NRG4: variants seen among roughly 807,000 people sequenced by gnomAD.
NRG4 encodes pro-neuregulin-4, membrane-bound isoform.
In NRG4, 10 loss-of-function variants were observed where a neutral mutation model predicts 15.0. The observed-to-expected ratio is 0.67, with a 90% CI of 0.41 to 1.13. The LOEUF (loss-of-function observed/expected upper bound fraction) is 1.13, where lower values mean the gene tolerates loss of function less well. NRG4 is among the 50% of genes most tolerant of loss of function. The pLI is 0.00. For synonymous variants in NRG4, 41 were observed against 50.1 expected (o/e 0.82, Z 0.77); for missense variants, 139 against 140.2 (o/e 0.99, Z 0.04).
intron 4 of NRG4, among the ~76,000 whole-genome samples, chr15:76,050,973 T>TATTTA (rs1555441913): frequency 2.5e-4 from 37 of 147,686 alleles, no homozygotes; most frequent in Non-Finnish European, 4.2e-4. Flanking sequence ...GCCTGCCTAT[T>TATTTA]TTTATTTATT....
At chr15:75,958,162 G>A (rs559760391) in intron 4 of NRG4, among the ~76,000 whole-genome samples, 15 of 152,072 alleles carry the variant, frequency 9.9e-5, no homozygotes, top group Admixed American at 5.2e-4. Context: ...ACAGGCACCC[G>A]CCACCATGCC....
chr15:75,991,837 ATC>A (rs2034029471), intron 3 of NRG4, among the ~76,000 whole-genome samples: 1 of 151,994 alleles, frequency 6.6e-6, no homozygotes, highest in Non-Finnish European at 1.5e-5. Context: ...TCAATACACA[ATC>A]TGTCTTTAGT....
intron 3 of NRG4, among the ~76,000 whole-genome samples, chr15:75,989,477 A>T (rs2033926197): frequency 6.6e-6 from 1 of 151,972 alleles, no homozygotes; most frequent in Non-Finnish European, 1.5e-5. Context: ...TAACACATAC[A>T]TGTTAGACCT....
chr15:76,041,173 A>C, intron 4 of NRG4, among the ~76,000 whole-genome samples: 1 of 152,168 alleles, frequency 6.6e-6, no homozygotes, highest in Admixed American at 6.5e-5. Flanking sequence ...GATACACAAA[A>C]AATAAAAAGA....
At chr15:76,013,431 G>A (rs565178140), upstream of NRG4, among the ~76,000 whole-genome samples, 380 of 152,298 alleles carry the variant, frequency 2.5e-3, 3 homozygotes, top group African/African-American at 8.8e-3. Context: ...CAAGTGCCAT[G>A]CTGGTTTCCT....
At chr15:75,993,290 GT>G (rs777701556) in intron 3 of NRG4, among the ~76,000 whole-genome samples, 5,868 of 110,270 alleles carry the variant, frequency 0.053, 203 homozygotes, top group African/African-American at 0.12. Context: ...TTTAAATATT[GT>G]TTTTTTTTTT....
chr15:75,961,284 T>C (rs2141813895), intron 4 of NRG4, among the ~76,000 whole-genome samples: 1 of 152,312 alleles, frequency 6.6e-6, no homozygotes, highest in African/African-American at 2.4e-5. Context: ...AGTAGTTTTT[T>C]TTTTTGTCTC....
chr15:75,961,791 A>G (rs1203168193), intron 4 of NRG4, 37 bp downstream of exon 4: 2 of 1,497,992 alleles, frequency 1.3e-6, no homozygotes, highest in Admixed American at 3.5e-5. Flanking sequence ...TACTTTATGT[A>G]TTACTTTTCT....
chr15:75,977,741 CCAGAG>C lies in NRG4; in HGVS notation c.105-15772_105-15768del, dbSNP rs1367127778. On this transcript the variant is annotated intron_variant, in intron 3 of 5. Coordinates refer to ENST00000394907, the MANE Select transcript of NRG4 (RefSeq NM_138573.4). This position sits in a 1 kb window ranked among gnomAD's most constrained non-coding sequence, Gnocchi z 4.9. Reference sequence around the variant, plus strand: ...CATTGGTCTCGCTGGGAGCTGCAGACCAGAGCTGTTCCTATTTGGCCATCTTATCA... The same window carrying C: ...CATTGGTCTCGCTGGGAGCTGCAGACCTGTTCCTATTTGGCCATCTTATCA... Among the ~76,000 whole-genome samples, 5 of 152,188 alleles carry C rather than the reference CCAGAG, an allele frequency of 3.3e-5. No homozygotes were observed. The highest frequency in any genetic ancestry group is 6.5e-5 in the Admixed American group (1 of 15,274).
At chr15:76,014,747 T>C (rs558410056), upstream of NRG4, among the ~76,000 whole-genome samples, 737 of 152,142 alleles carry the variant, frequency 4.8e-3, 3 homozygotes, top group Admixed American at 8.5e-3. Context: ...GTTACTGTAG[T>C]CTTGTAGTAT....
intron 3 of NRG4, among the ~76,000 whole-genome samples, chr15:75,984,624 C>T (rs1025806976): frequency 2.6e-5 from 4 of 151,972 alleles, no homozygotes; most frequent in Admixed American, 1.3e-4. Context: ...ACATCACACA[C>T]CAGGGCCTAC....
intron 3 of NRG4, chr15:75,969,287 T>C (rs971779579): frequency 5.3e-5 from 24 of 451,374 alleles, no homozygotes; most frequent in Non-Finnish European, 1.1e-4. Context: ...TGCGTGGTAT[T>C]CCTACATAGA....
intron 4 of NRG4, among the ~76,000 whole-genome samples, chr15:75,956,341 G>T (rs925249918): frequency 2.0e-5 from 3 of 152,002 alleles, no homozygotes; most frequent in African/African-American, 7.2e-5. Flanking sequence ...TAATTTTTGT[G>T]CTCTTTTTAA....
intron 5 of NRG4, among the ~76,000 whole-genome samples, chr15:76,029,873 A>G (rs1208762230): frequency 6.6e-6 from 1 of 152,218 alleles, no homozygotes; most frequent in Non-Finnish European, 1.5e-5. Flanking sequence ...ATTCAATGCA[A>G]TCCCTATCAA....
At chr15:75,990,442 C>T in intron 3 of NRG4, among the ~76,000 whole-genome samples, 1 of 152,168 alleles carries the variant, frequency 6.6e-6, no homozygotes, top group East Asian at 1.9e-4. Flanking sequence ...TGTTCTCCTT[C>T]TCTCAGGGAT....
intron 4 of NRG4, among the ~76,000 whole-genome samples, chr15:76,044,773 G>A (rs934222113): frequency 1.3e-5 from 2 of 148,516 alleles, no homozygotes; most frequent in Admixed American, 6.7e-5. Flanking sequence ...CCTAGAAGAC[G>A]GAGCTTGTAG....
At chr15:75,950,266 T>C (rs959991006) in intron 5 of NRG4, among the ~76,000 whole-genome samples, 4 of 152,194 alleles carry the variant, frequency 2.6e-5, no homozygotes, top group Admixed American at 6.5e-5. Flanking sequence ...TATCTAATTG[T>C]CACTGATATA....
intron 4 of NRG4, among the ~76,000 whole-genome samples, chr15:76,045,141 G>T (rs2035839461): frequency 6.6e-6 from 1 of 150,818 alleles, no homozygotes. Flanking sequence ...AGATCTGAAC[G>T]GACATTTCTC....
downstream of NRG4, chr15:75,935,571 A>T (rs2030260510): frequency 6.6e-6 from 1 of 151,054 alleles, no homozygotes; most frequent in Non-Finnish European, 1.5e-5. Context: ...TAAACCTTGA[A>T]ATTAAGACCT....
Sources: allele counts gnomAD v4.1 joint callset (sites outside exome capture counted in the v4.1 genomes callset), GRCh38; gene constraint gnomAD v4.1.1; non-coding constraint Gnocchi (gnomAD v3.1); transcripts MANE v1.5; gene names NCBI Gene and HGNC (gene_info 2026-07-23, HGNC 2026-07-21).